Variants in FHIP2A observed in about 807,000 individuals in gnomAD.
The protein encoded by FHIP2A is family with sequence similarity 160 member B1.
In FHIP2A, 46 loss-of-function variants were observed where a neutral mutation model predicts 93.5. The ratio of observed to expected loss-of-function variants is 0.49; its 90% CI spans 0.39 to 0.63. The LOEUF (loss-of-function observed/expected upper bound fraction) is 0.63. FHIP2A is among the 20% of genes least tolerant of loss of function. The pLI is 0.00. For missense variants in FHIP2A, 769 were observed against 909.7 expected (o/e 0.85, Z 1.99); for synonymous variants, 332 against 326.5 (o/e 1.02, Z -0.18).
At chr10:114,854,353 G>A (rs1345954080) in intron 13 of FHIP2A, among the ~76,000 whole-genome samples, 2 of 152,090 alleles carry the variant, frequency 1.3e-5, no homozygotes, top group East Asian at 3.9e-4. Context: ...TTAACCAGGC[G>A]TGGTGGCACA....
At chr10:114,889,355 T>C (rs2083959266) in intron 16 of FHIP2A, among the ~76,000 whole-genome samples, 1 of 152,178 alleles carries the variant, frequency 6.6e-6, no homozygotes, top group Non-Finnish European at 1.5e-5. Flanking sequence ...AAATGCTATT[T>C]AAAAAATAAC....
At chr10:114,848,852 T>C in intron 13 of FHIP2A, 115 bp downstream of exon 13, 1 of 701,800 alleles carries the variant, frequency 1.4e-6, no homozygotes, top group Admixed American at 2.7e-5. Flanking sequence ...TTATTAAAAA[T>C]GAGACCTGGG....
intron 16 of FHIP2A, among the ~76,000 whole-genome samples, chr10:114,893,540 C>G (rs985893600): frequency 6.6e-6 from 1 of 152,160 alleles, no homozygotes; most frequent in Non-Finnish European, 1.5e-5. Flanking sequence ...TACTTATATC[C>G]CTGAAAATCT....
At chr10:114,892,368 C>T (rs1016332060) in intron 16 of FHIP2A, among the ~76,000 whole-genome samples, 2 of 152,006 alleles carry the variant, frequency 1.3e-5, no homozygotes, top group East Asian at 1.9e-4. Flanking sequence ...TAATGAAGAC[C>T]GGGTGCGGTG....
chr10:114,837,838 T>A (rs896207053), intron 5 of FHIP2A, among the ~76,000 whole-genome samples: 1 of 152,246 alleles, frequency 6.6e-6, no homozygotes, highest in African/African-American at 2.4e-5. Context: ...TTGAGATTCA[T>A]CCATGATTTT....
chr10:114,850,532 C>T (rs1036830492), intron 13 of FHIP2A, among the ~76,000 whole-genome samples: 2 of 127,928 alleles, frequency 1.6e-5, no homozygotes, highest in African/African-American at 5.3e-5. Context: ...CCCATTTTTA[C>T]AAAAATTTTT....
Position 114,864,171 on chromosome 10 carries a change from G to A in FHIP2A, c.*2631G>A. ...TTAGCTCGCTTACACTGTTGCTAGT[G>A]TAAACATTGTTACACTTAATTTTAC... On this transcript the variant is annotated 3_prime_UTR_variant, in exon 17 of 17. Transcript: ENST00000369248. 6.1e-6 allele frequency: 6 copies of A among 983,728 alleles called. No individual in the cohort carries two copies. The highest frequency in any genetic ancestry group is 7.2e-6 in the Non-Finnish European group (6 of 828,108). The allele number at this position is 983,728 out of a possible 1,614,324, so 60.9% of individuals were successfully genotyped here.
intron 16 of FHIP2A, among the ~76,000 whole-genome samples, chr10:114,880,403 G>C (rs2083910938): frequency 6.6e-6 from 1 of 152,168 alleles, no homozygotes; most frequent in South Asian, 2.1e-4. Context: ...CTTCAGGCTG[G>C]GTGCAGGGGC....
chr10:114,835,988 CATT>C (rs1214796886), intron 4 of FHIP2A, 133 bp from the exon 5 acceptor site: 1 of 555,430 alleles, frequency 1.8e-6, no homozygotes, highest in African/African-American at 1.9e-5. Context: ...TTATAAATAT[CATT>C]AGTGTTCTGA....
chr10:114,867,657 G>A (rs901393854), downstream of FHIP2A, among the ~76,000 whole-genome samples: 2 of 152,192 alleles, frequency 1.3e-5, no homozygotes, highest in South Asian at 2.1e-4. Flanking sequence ...CTAGGCTGAT[G>A]GAGATGGTGG....
chr10:114,848,354 G>A (rs1046937259), intron 12 of FHIP2A, among the ~76,000 whole-genome samples: 2 of 151,966 alleles, frequency 1.3e-5, no homozygotes, highest in Non-Finnish European at 2.9e-5. Context: ...TCTTTCTTAG[G>A]CTTACTTCTA....
rs954405021 is a variant in FHIP2A, at chr10:114,822,130, C to CCGCG, written c.45+8_45+11dup. 1 of 1,320,278 alleles carries CCGCG rather than the reference C, an allele frequency of 7.6e-7. No homozygotes were observed. The highest frequency in any genetic ancestry group is 1.5e-5 in the African/African-American group (1 of 65,878). The allele number at this position is 1,320,278 out of a possible 1,614,324, so 81.8% of individuals were successfully genotyped here. ...GCAGCACGCCGTGGAGGCGGTAAGG[C>CCGCG]CGCGGGCTGCGGGCGCACGGCAGGC... On this transcript the variant is annotated splice_region_variant and intron_variant, in intron 1 of 16. Coordinates refer to ENST00000369248, the MANE Select transcript of FHIP2A (RefSeq NM_020940.4).
intron 16 of FHIP2A, among the ~76,000 whole-genome samples, chr10:114,871,390 G>T (rs2083859545): frequency 6.6e-6 from 1 of 152,012 alleles, no homozygotes. Flanking sequence ...AGCATGGCAG[G>T]CCCCCTCTCA....
In FHIP2A at chr10:114,846,724, G is replaced by A. The variant is rs532828841; in HGVS notation, c.1564G>A (p.Ala522Thr). 1.9e-6 allele frequency: 3 copies of A among 1,594,286 alleles called. No homozygotes were observed. The highest frequency in any genetic ancestry group is 4.5e-5 in the East Asian group (2 of 44,600). The part of the protein sequence containing the change: ...DVVENGLIAG[A>T]VDLEEDPLFT... ...GGTAGAAAATGGATTGATAGCAGGAGCAGTGTAAGTTTCCATCCAACTCCG... is the reference window on the plus strand; with the variant it reads ...GGTAGAAAATGGATTGATAGCAGGAACAGTGTAAGTTTCCATCCAACTCCG... The change falls in exon 11 of 17, where the codon GCA becomes ACA. Residue 522 changes from alanine (A) to threonine (T), a missense_variant. Physicochemically the swap from Ala to Thr is moderately conservative, Grantham distance 58 (BLOSUM62 0). Coordinates refer to ENST00000369248, the MANE Select transcript of FHIP2A (RefSeq NM_020940.4).
chr10:114,875,336 G>A (rs1421366124), intron 16 of FHIP2A, among the ~76,000 whole-genome samples: 1 of 152,150 alleles, frequency 6.6e-6, no homozygotes, highest in Non-Finnish European at 1.5e-5. Context: ...TGAGGGAGGA[G>A]AAAACCCCTT....
intron 16 of FHIP2A, among the ~76,000 whole-genome samples, chr10:114,898,551 C>T (rs1373251987): frequency 6.6e-6 from 1 of 152,156 alleles, no homozygotes; most frequent in Non-Finnish European, 1.5e-5. Flanking sequence ...GACCTACCTT[C>T]CAAGTTTGTT....
intron 16 of FHIP2A, among the ~76,000 whole-genome samples, chr10:114,871,085 A>G (rs543753139): frequency 6.7e-6 from 1 of 148,834 alleles, no homozygotes; most frequent in East Asian, 1.9e-4. Context: ...GTACAAATAT[A>G]TGTTTTTAAA....
chr10:114,852,346 T>C (rs1003439068), intron 13 of FHIP2A, among the ~76,000 whole-genome samples: 8 of 152,204 alleles, frequency 5.3e-5, no homozygotes, highest in African/African-American at 1.9e-4. Flanking sequence ...TAGGTGTTCT[T>C]CTAAGACCTC....
chr10:114,898,655 T>C (rs927104207), intron 16 of FHIP2A, among the ~76,000 whole-genome samples: 3 of 152,196 alleles, frequency 2.0e-5, no homozygotes, highest in African/African-American at 7.2e-5. Flanking sequence ...TATTACCAGT[T>C]GATAACTCTT....
Sources: allele counts gnomAD v4.1 joint callset (sites outside exome capture counted in the v4.1 genomes callset), GRCh38; gene constraint gnomAD v4.1.1; transcripts MANE v1.5; gene names NCBI Gene and HGNC (gene_info 2026-07-23, HGNC 2026-07-21).